The following MDGA2 variants were observed in gnomAD, a reference collection of about 807,000 sequenced individuals.
The protein encoded by MDGA2 is MAM domain-containing glycosylphosphatidylinositol anchor protein 2.
Under a neutral mutation model 117.8 loss-of-function variants are expected in MDGA2, and 40 were observed. The ratio of observed to expected loss-of-function variants is 0.34; its 90% CI spans 0.26 to 0.44. The LOEUF (loss-of-function observed/expected upper bound fraction) is 0.44. MDGA2 is among the 20% of genes least tolerant of loss of function. The probability of loss-of-function intolerance (pLI) is 1.00; values close to 1 mark genes in which losing one functional copy is unlikely to be tolerated. For synonymous variants in MDGA2, 452 were observed against 439.0 expected (o/e 1.03, Z -0.37); for missense variants, 1,123 against 1,250.6 (o/e 0.90, Z 1.54).
intron 1 of MDGA2, among the ~76,000 whole-genome samples, chr14:47,503,552 C>T (rs1047396872): frequency 5.3e-5 from 8 of 151,858 alleles, no homozygotes; most frequent in South Asian, 2.1e-4. Context: ...CTACAGGCAC[C>T]CGCCACCACG....
chr14:46,997,634 A>G (rs1887344378), intron 8 of MDGA2, among the ~76,000 whole-genome samples: 1 of 152,194 alleles, frequency 6.6e-6, no homozygotes, highest in Admixed American at 6.6e-5. Flanking sequence ...CATTACTGTC[A>G]GAATTGCATT....
At chr14:46,848,956 A>C (rs1594992316) in intron 15 of MDGA2, among the ~76,000 whole-genome samples, 1 of 152,064 alleles carries the variant, frequency 6.6e-6, no homozygotes, top group Non-Finnish European at 1.5e-5. Context: ...GAAGTGGTAC[A>C]GTAAAAAAAG....
At chr14:47,354,420 T>G (rs1469091346) in intron 1 of MDGA2, among the ~76,000 whole-genome samples, 2 of 152,162 alleles carry the variant, frequency 1.3e-5, no homozygotes, top group African/African-American at 4.8e-5. Flanking sequence ...GATCCAGAGA[T>G]GCCTGATTTG....
At chr14:46,878,583 C>T (rs953097799) in intron 11 of MDGA2, among the ~76,000 whole-genome samples, 3 of 151,988 alleles carry the variant, frequency 2.0e-5, no homozygotes, top group African/African-American at 7.2e-5. Flanking sequence ...ATGATTTCCA[C>T]TATTCCTACA....
intron 3 of MDGA2, among the ~76,000 whole-genome samples, chr14:47,196,749 G>A (rs145502560): frequency 1.5e-4 from 23 of 152,214 alleles, no homozygotes; most frequent in East Asian, 3.9e-4. Context: ...CTTGGTATAC[G>A]AATAAGCCTA....
intron 1 of MDGA2, among the ~76,000 whole-genome samples, chr14:47,560,832 C>T (rs767957689): frequency 9.2e-5 from 14 of 152,114 alleles, no homozygotes; most frequent in Admixed American, 2.6e-4. Context: ...TTAGGTTTTA[C>T]ATTTAAGTTG....
At chr14:46,856,831 A>T (rs2138306176) in intron 14 of MDGA2, among the ~76,000 whole-genome samples, 1 of 152,180 alleles carries the variant, frequency 6.6e-6, no homozygotes, top group South Asian at 2.1e-4. Context: ...TATTTACTCT[A>T]CTGACTTAAC....
intron 1 of MDGA2, among the ~76,000 whole-genome samples, chr14:47,664,003 C>G (rs2138298842): frequency 6.6e-6 from 1 of 152,122 alleles, no homozygotes; most frequent in South Asian, 2.1e-4. Flanking sequence ...TTACCCATAA[C>G]CATAAGGTTT....
At chr14:47,136,093 C>T (rs1286847180) in intron 4 of MDGA2, among the ~76,000 whole-genome samples, 1 of 151,916 alleles carries the variant, frequency 6.6e-6, no homozygotes, top group Non-Finnish European at 1.5e-5. Context: ...ATACGTCAAA[C>T]TTGATTTCCA....
At chr14:47,421,330 T>C (rs8017117) in intron 1 of MDGA2, among the ~76,000 whole-genome samples, 152,240 of 152,290 alleles carry the variant, frequency 1, 76,095 homozygotes, top group Non-Finnish European at 1. Context: ...CAGAACAAAC[T>C]AAATTGCAAA....
chr14:47,171,251 G>A (rs564565909), intron 3 of MDGA2, among the ~76,000 whole-genome samples: 1 of 151,974 alleles, frequency 6.6e-6, no homozygotes, highest in Non-Finnish European at 1.5e-5. Context: ...TACAATGAGA[G>A]AATTCTAAGT....
intron 1 of MDGA2, chr14:47,342,795 A>T: frequency 3.0e-6 from 1 of 329,172 alleles, no homozygotes; most frequent in Non-Finnish European, 6.0e-6. Flanking sequence ...TAAAACACTT[A>T]CAAAAGTAGC....
chr14:47,145,063 A>T (rs1055757429), intron 3 of MDGA2, among the ~76,000 whole-genome samples: 2 of 152,094 alleles, frequency 1.3e-5, no homozygotes, highest in Non-Finnish European at 2.9e-5. Flanking sequence ...CTTGCACAGG[A>T]CTAAATGTTA....
At chr14:46,960,949 TACACACAC>T (rs57182570) in intron 8 of MDGA2, among the ~76,000 whole-genome samples, 7 of 147,822 alleles carry the variant, frequency 4.7e-5, no homozygotes, top group African/African-American at 5.0e-5. Flanking sequence ...TATATATATA[TACACACAC>T]ACACACACAC....
At chr14:47,384,313 C>G (rs920688784) in intron 1 of MDGA2, among the ~76,000 whole-genome samples, 1 of 149,794 alleles carries the variant, frequency 6.7e-6, no homozygotes, top group Admixed American at 6.8e-5. Flanking sequence ...GATCTAGTAT[C>G]CAGGGGACTC....
chr14:46,884,081 T>C lies in MDGA2; in HGVS notation c.2239-1860A>G, dbSNP rs753680165. Reference sequence around the variant, plus strand: ...TTATCTGTGGCCTATGACAAAGACATATTCTGTATAGATGTACCATTGTTT... The same window carrying C: ...TTATCTGTGGCCTATGACAAAGACACATTCTGTATAGATGTACCATTGTTT... On this transcript the variant is annotated intron_variant, in intron 10 of 16. Coordinates refer to ENST00000399232, the MANE Select transcript of MDGA2 (RefSeq NM_001113498.3). This position sits in a 1 kb window ranked among gnomAD's most constrained non-coding sequence, Gnocchi z 4.1. 1.3e-5 allele frequency among the ~76,000 whole-genome samples: 2 copies of C among 152,096 alleles called. No homozygotes were observed. The highest frequency in any genetic ancestry group is 2.4e-5 in the African/African-American group (1 of 41,440).
chr14:47,325,351 G>C (rs114535602), intron 1 of MDGA2, among the ~76,000 whole-genome samples: 13 of 152,254 alleles, frequency 8.5e-5, no homozygotes, highest in African/African-American at 3.1e-4. Flanking sequence ...AGACACCATA[G>C]GCATGTAGAT....
chr14:46,982,041 A>T (rs768723829), intron 8 of MDGA2, among the ~76,000 whole-genome samples: 2 of 152,236 alleles, frequency 1.3e-5, no homozygotes, highest in Non-Finnish European at 2.9e-5. Flanking sequence ...GTCCAATCAT[A>T]CATTCATAAG....
rs139527789 is a variant in MDGA2 at position 46,968,110 on chromosome 14, G to C, written c.1820-10467C>G. Among the ~76,000 whole-genome samples, 380 of 152,294 alleles carry C rather than the reference G, an allele frequency of 2.5e-3. 1 individual carries two copies. Among genetic ancestry groups the C allele is most frequent in the African/African-American group, 8.6e-3 (359 of 41,572 alleles). Reference sequence around the variant, plus strand: ...TTGCTCCAGAACTGTGACCTGCCCTGGGGCTAACACCATCTCTGGTGCAGC... The same window carrying C: ...TTGCTCCAGAACTGTGACCTGCCCTCGGGCTAACACCATCTCTGGTGCAGC... On this transcript the variant is annotated intron_variant, in intron 8 of 16. Coordinates refer to ENST00000399232, the MANE Select transcript of MDGA2 (RefSeq NM_001113498.3).
Sources: allele counts gnomAD v4.1 joint callset (sites outside exome capture counted in the v4.1 genomes callset), GRCh38; gene constraint gnomAD v4.1.1; non-coding constraint Gnocchi (gnomAD v3.1); transcripts MANE v1.5; gene names NCBI Gene and HGNC (gene_info 2026-07-23, HGNC 2026-07-21).